Variants in SEC14L1 observed in about 807,000 individuals in gnomAD.
The protein encoded by SEC14L1 is SEC14-like protein 1.
SEC14L1 carries 48 observed loss-of-function variants against 85.3 expected under a neutral mutation model. The ratio of observed to expected loss-of-function variants is 0.56; its 90% confidence interval spans 0.45 to 0.72. The LOEUF (loss-of-function observed/expected upper bound fraction) is 0.72, where lower values mean the gene tolerates loss of function less well. Among genes scored for constraint, SEC14L1 ranks in the 30% least tolerant of loss-of-function variants. The probability of loss-of-function intolerance (pLI) is 0.00; values close to 1 mark genes in which losing one functional copy is unlikely to be tolerated. For synonymous variants in SEC14L1, 391 were observed against 355.5 expected, an observed-to-expected ratio of 1.10 and a Z score of -1.12; for missense variants, 682 against 921.4, an observed-to-expected ratio of 0.74 and a Z score of 3.36.
chr17:77,206,557 GA>G lies in SEC14L1; in HGVS notation c.1341+162del, dbSNP rs1976472851. 2.5e-6 allele frequency: 3 copies of G among 1,223,142 alleles called. No individual in the cohort carries two copies. The Admixed American group carries it at 8.2e-5, about 33-fold the overall frequency. 75.8% of individuals were successfully genotyped at this position (1,223,142 alleles called of 1,614,324 possible). On this transcript the variant is annotated intron_variant, in intron 12 of 16. Transcript: ENST00000436233. The surrounding 1 kb of genome is among the most constrained non-coding windows in gnomAD (Gnocchi z 4.3). Reference sequence around the variant, plus strand: ...ATTTCTCAAATTGTTTAAGAAAGGGGAAAAACAAAATGTGAGTGTCCTAATG... The same window carrying G: ...ATTTCTCAAATTGTTTAAGAAAGGGGAAAACAAAATGTGAGTGTCCTAATG...
At chr17:77,162,307 A>G (rs1387706149) in intron 3 of SEC14L1, among the ~76,000 whole-genome samples, 1 of 152,196 alleles carries the variant, frequency 6.6e-6, no homozygotes, top group Non-Finnish European at 1.5e-5. Flanking sequence ...TTGGCTCCTT[A>G]TTGTGGCTCA....
intron 13 of SEC14L1, among the ~76,000 whole-genome samples, chr17:77,207,322 G>A (rs1976515723): frequency 6.6e-6 from 1 of 150,844 alleles, no homozygotes; most frequent in South Asian, 2.1e-4. Context: ...GCCTGACTTG[G>A]TGGGCTCAGG....
intron 3 of SEC14L1, among the ~76,000 whole-genome samples, chr17:77,176,844 C>G (rs544927247): frequency 1.3e-5 from 2 of 152,158 alleles, no homozygotes; most frequent in African/African-American, 4.8e-5. Context: ...ACCTTGACCT[C>G]CCAAAGTGCT....
In SEC14L1 at chr17:77,216,779, C is replaced by A; in HGVS notation, c.*2756C>A. 1.3e-6 allele frequency: 1 copy of A among 763,404 alleles called. No homozygotes were observed. Among genetic ancestry groups the A allele is most frequent in the Non-Finnish European group, 2.0e-6 (1 of 491,644 alleles). The allele number at this position is 763,404 out of a possible 1,614,324, so 47.3% of individuals were successfully genotyped here. A position where few individuals can be genotyped will look rare whatever the true frequency, so the allele number is the denominator to read the frequency against. On this transcript the variant is annotated 3_prime_UTR_variant, in exon 17 of 17. Coordinates refer to ENST00000436233, the MANE Select transcript of SEC14L1 (RefSeq NM_001143998.2). The stretch of plus-strand genomic sequence containing the variant: ...GCACAAATGCTTACAGGGTTTCCTC[C>A]CGAGTAATCCAATCTCACTCCCCTT...
Position 77,214,150 on chromosome 17 carries a change from A to G in SEC14L1, c.*127A>G. On this transcript the variant is annotated 3_prime_UTR_variant, in exon 17 of 17. Coordinates refer to ENST00000436233, the MANE Select transcript of SEC14L1 (RefSeq NM_001143998.2). ...CACCTCTAGATAGCAAATAGCTCTC[A>G]GATGGTAAACGTAGTCGTTTGATCC... 1 of 1,454,892 alleles carries G rather than the reference A, an allele frequency of 6.9e-7. No individual in the cohort carries two copies. The highest frequency in any genetic ancestry group is 1.4e-5 in the South Asian group (1 of 69,556). 90.1% of individuals were successfully genotyped at this position (1,454,892 alleles called of 1,614,324 possible).
At chr17:77,094,459 G>GT (rs982176160) in intron 3 of SEC14L1, 7 of 151,140 alleles carry the variant, frequency 4.6e-5, no homozygotes, top group East Asian at 2.0e-4. Flanking sequence ...GTAGGCTGTC[G>GT]TTTTTTTTGT....
In SEC14L1 at chr17:77,205,560, C is replaced by T. The variant is rs144791642; in HGVS notation, c.1169+214C>T. The stretch of plus-strand genomic sequence containing the variant: ...GTGACGTCAGCCAGAGTGGGTTGGC[C>T]TGTCTGCTTAGTCTGTGCGGGCCGC... On this transcript the variant is annotated intron_variant, in intron 11 of 16. Coordinates refer to ENST00000436233, the MANE Select transcript of SEC14L1 (RefSeq NM_001143998.2). Among the ~76,000 whole-genome samples, 19 of 152,268 alleles carry T rather than the reference C, an allele frequency of 1.2e-4. No homozygotes were observed. In the East Asian group the frequency reaches 3.7e-3, roughly 29 times the overall value.
At chr17:77,137,479 G>A (rs1046719345), upstream of SEC14L1, among the ~76,000 whole-genome samples, 7 of 152,178 alleles carry the variant, frequency 4.6e-5, no homozygotes, top group African/African-American at 1.7e-4. Flanking sequence ...TGGCCAAGGG[G>A]ATGGCCCAAG....
rs550679671 is a variant in SEC14L1, at chr17:77,100,372, C to T, written c.-136+7025C>T. On this transcript the variant is annotated intron_variant, in intron 3 of 19. Transcript: ENST00000392476. ...CTGTATTGTTGTCCCTGTTAATTTC[C>T]CCTTCCTTGGCTGGCTTTTTCTTTT... 4.6e-5 allele frequency among the ~76,000 whole-genome samples: 7 copies of T among 151,532 alleles called. No homozygotes were observed. In the East Asian group the frequency reaches 1.4e-3, roughly 29 times the overall value.
rs1972281000 is a variant in SEC14L1 at position 77,120,925 on chromosome 17, A to G, written c.-135-21721A>G. ...GAACTCACTTAGGTGAGAGAGAGGC[A>G]GGGAACAGAGCATCGTTTTGTTATC... is the stretch of plus-strand genomic sequence containing the variant. On this transcript the variant is annotated intron_variant, in intron 3 of 19. Coordinates refer to the SEC14L1 transcript ENST00000392476. Among the ~76,000 whole-genome samples, 8 of 152,358 alleles carry G rather than the reference A, an allele frequency of 5.3e-5. No homozygotes were observed. The South Asian group carries it at 1.7e-3, about 32-fold the overall frequency.
intron 5 of SEC14L1, 146 bp from the exon 6 acceptor site, chr17:77,193,275 G>T: frequency 1.7e-6 from 1 of 583,118 alleles, no homozygotes; most frequent in Non-Finnish European, 2.8e-6. Flanking sequence ...ACATGATTTT[G>T]GCATTTTTTC....
intron 2 of SEC14L1, among the ~76,000 whole-genome samples, chr17:77,092,951 C>CAAAAAAA (rs35244244): frequency 1.2e-5 from 1 of 84,462 alleles, no homozygotes; most frequent in Non-Finnish European, 2.3e-5. Context: ...AACTCCGTCT[C>CAAAAAAA]AAAAAAAAAA....
At chr17:77,097,365 A>T (rs1971671495) in intron 3 of SEC14L1, among the ~76,000 whole-genome samples, 2 of 152,138 alleles carry the variant, frequency 1.3e-5, no homozygotes, top group African/African-American at 4.8e-5. Context: ...AGAGATCAAG[A>T]CCATCCTGGC....
Position 77,185,297 on chromosome 17 carries a change from C to T in SEC14L1, c.64-5506C>T, listed in dbSNP as rs1169005690. 5.1e-6 allele frequency: 5 copies of T among 985,340 alleles called. No homozygotes were observed. The African/African-American group carries it at 7.0e-5, about 14-fold the overall frequency. The allele number at this position is 985,340 out of a possible 1,614,324, so 61.0% of individuals were successfully genotyped here. A position where few individuals can be genotyped will look rare whatever the true frequency, so the allele number is the denominator to read the frequency against. On this transcript the variant is annotated intron_variant, in intron 3 of 16. Coordinates refer to ENST00000436233, the MANE Select transcript of SEC14L1 (RefSeq NM_001143998.2). ...GCTTGCTAACTGCCCCTGACGCTGA[C>T]AGAGCTCTGGAGAGGTCAGTGCAGC... is the stretch of plus-strand genomic sequence containing the variant.
intron 3 of SEC14L1, among the ~76,000 whole-genome samples, chr17:77,146,724 G>A (rs1268143713): frequency 2.0e-5 from 3 of 151,476 alleles, no homozygotes; most frequent in African/African-American, 4.8e-5. Flanking sequence ...ACACACAGAC[G>A]CACACACACG....
chr17:77,198,712 C>G lies in SEC14L1; in HGVS notation c.820-1772C>G, dbSNP rs1975948297. Among the ~76,000 whole-genome samples, 5 of 151,774 alleles carry G rather than the reference C, an allele frequency of 3.3e-5. No homozygotes were observed. In the South Asian group the frequency reaches 1.0e-3, roughly 32 times the overall value. On this transcript the variant is annotated intron_variant, in intron 8 of 16. Transcript: ENST00000436233. ...GCTTCAGCCTCCCCAGTAGCTGGGA[C>G]TCAGGCACCCGCCACCACGCCCAGA...
intron 3 of SEC14L1, among the ~76,000 whole-genome samples, chr17:77,121,471 G>T (rs1972295467): frequency 6.6e-6 from 1 of 152,124 alleles, no homozygotes; most frequent in Admixed American, 6.6e-5. Context: ...CGATTCTCCT[G>T]CCTCAGCCTC....
In SEC14L1 at chr17:77,213,562, C is replaced by T. The variant is rs773747381; in HGVS notation, c.2042+70C>T. 7 of 1,557,716 alleles carry T rather than the reference C, an allele frequency of 4.5e-6. No homozygotes were observed. Among genetic ancestry groups the T allele is most frequent in the East Asian group, 2.2e-5 (1 of 44,506 alleles). On this transcript the variant is annotated intron_variant, in intron 16 of 16. Transcript: ENST00000436233. This position sits in a 1 kb window ranked among gnomAD's most constrained non-coding sequence, Gnocchi z 7.1. ...TGGTTGGAGGGAGCCTGCAGTCCCA[C>T]GCCGTGTGCAGGATCAGCAGTGGCG...
Position 77,211,991 on chromosome 17 carries a change from G to C in SEC14L1, c.1653G>C (p.Trp551Cys). 1 of 1,614,006 alleles carries C rather than the reference G, an allele frequency of 6.2e-7. No homozygotes were observed. The highest frequency in any genetic ancestry group is 8.5e-7 in the Non-Finnish European group (1 of 1,180,016). The change falls in exon 15 of 17, where the codon TGG becomes TGC. Residue 551 changes from tryptophan (W) to cysteine (C), a missense_variant. By Grantham distance (215) the Trp-to-Cys change is radical. Around this residue, in one of 3 missense-constraint regions of SEC14L1, gnomAD observed 420 missense variants for 619.5 expected, o/e 0.68. Coordinates refer to ENST00000436233, the MANE Select transcript of SEC14L1 (RefSeq NM_001143998.2). ...TGGATGCCTCGTCAGTCATCACTTG[G>C]GATTTCGACGTGTGCAAAGGGGACA... ...QIVDASSVIT[W>C]DFDVCKGDIV...
Sources: allele counts gnomAD v4.1 joint callset (sites outside exome capture counted in the v4.1 genomes callset), GRCh38; gene constraint gnomAD v4.1.1; regional missense constraint gnomAD v4.1.1; non-coding constraint Gnocchi (gnomAD v3.1); transcripts MANE v1.5; gene names NCBI Gene and HGNC (gene_info 2026-07-23, HGNC 2026-07-21).